Variants in IPO13 observed in about 807,000 individuals in gnomAD.
IPO13 encodes importin 13.
In IPO13, 28 loss-of-function variants were observed where a neutral mutation model predicts 115.5. That is an observed-to-expected ratio of 0.24 (90% CI 0.18 to 0.33). IPO13 has a LOEUF of 0.33. IPO13 is among the 10% of genes least tolerant of loss of function. The probability of loss-of-function intolerance (pLI) is 1.00; values close to 1 mark genes in which losing one functional copy is unlikely to be tolerated. For synonymous variants in IPO13, 414 were observed against 478.9 expected, an observed-to-expected ratio of 0.86 and a Z score of 1.77; for missense variants, 785 against 1,204.6, an observed-to-expected ratio of 0.65 and a Z score of 5.16.
chr1:43,954,656 T>C (rs1361498142), intron 2 of IPO13, among the ~76,000 whole-genome samples: 3 of 152,228 alleles, frequency 2.0e-5, no homozygotes, highest in African/African-American at 7.2e-5. Flanking sequence ...TGAGCCAGGC[T>C]TCTCTCAGTC....
rs781453528 is a variant in IPO13 at position 43,949,418 on chromosome 1, C to T, written c.86C>T (p.Ala29Val). 51 of 1,597,328 alleles carry T rather than the reference C, an allele frequency of 3.2e-5. No individual in the cohort carries two copies. The highest frequency in any genetic ancestry group is 1.7e-4 in the Middle Eastern group (1 of 6,030). ...LDFTVENVEK[A>V]LHQLYYDPNI... The stretch of plus-strand genomic sequence containing the variant: ...GCTCAGTCCTGTGCTGTCCTGCAGG[C>T]GCTGCACCAGCTCTACTATGATCCC... Residue 29 changes from alanine to valine, a missense_variant and splice_region_variant, in exon 2 of 20, where the codon GCG (alanine) becomes GTG (valine). By Grantham distance (64) the Ala-to-Val change is moderately conservative. Coordinates refer to ENST00000372343, the MANE Select transcript of IPO13 (RefSeq NM_014652.4).
At chr1:43,950,231 A>G (rs1284458647) in intron 2 of IPO13, 78 bp downstream of exon 2, 3 of 1,458,038 alleles carry the variant, frequency 2.1e-6, no homozygotes, top group African/African-American at 2.8e-5. Context: ...TTCAATAAAC[A>G]TTAATTGAAT....
chr1:43,960,810 A>G, intron 12 of IPO13, 66 bp from the exon 13 acceptor site: 4 of 1,591,370 alleles, frequency 2.5e-6, no homozygotes, highest in Middle Eastern at 1.7e-4. Flanking sequence ...CCCTCTGTGC[A>G]GGGCTTCAGC....
intron 11 of IPO13, 138 bp from the exon 12 acceptor site, chr1:43,960,111 G>A (rs760012443): frequency 1.7e-4 from 126 of 724,794 alleles, no homozygotes; most frequent in Admixed American, 2.1e-5. Flanking sequence ...TCCCCCAGGG[G>A]TCCCATGCCC....
chr1:43,954,116 C>T (rs1324373737), intron 2 of IPO13, among the ~76,000 whole-genome samples: 1 of 152,220 alleles, frequency 6.6e-6, no homozygotes, highest in Admixed American at 6.5e-5. Flanking sequence ...CAGTGGGGAG[C>T]TATGGGAGTA....
Position 43,957,443 on chromosome 1 carries a change from G to A in IPO13, c.1434G>A (p.Glu478=), listed in dbSNP as rs368982144. 1.9e-6 allele frequency: 3 copies of A among 1,614,052 alleles called. No homozygotes were observed. In the African/African-American group the frequency reaches 4.0e-5, roughly 22 times the overall value. ...ALLYGFQSIA[E]TIDVNYSDVV... The stretch of plus-strand genomic sequence containing the variant: ...TCTACGGCTTCCAATCCATCGCAGA[G>A]ACCATTGACGTCAACTATTCTGATG... The change falls in exon 7 of 20, where the codon GAG becomes GAA. Residue 478 remains glutamate, a synonymous_variant. Coordinates refer to ENST00000372343, the MANE Select transcript of IPO13 (RefSeq NM_014652.4).
rs2085335294 is a variant in IPO13 at position 43,967,577 on chromosome 1, C to G, written c.2796-9C>G. 1.9e-6 allele frequency: 3 copies of G among 1,614,198 alleles called. No individual in the cohort carries two copies. The highest frequency in any genetic ancestry group is 2.5e-6 in the Non-Finnish European group (3 of 1,180,022). On this transcript the variant is annotated splice_polypyrimidine_tract_variant and intron_variant, in intron 19 of 19. Transcript: ENST00000372343. This position sits in a 1 kb window ranked among gnomAD's most constrained non-coding sequence, Gnocchi z 6.1. ...CTGGTGCTAACCTGCTCTCCCTTTT[C>G]TCCTTCAGCGAGCGAGTGAACAAGA...
chr1:43,966,312 C>T lies in IPO13; in HGVS notation c.2398-263C>T. 1 of 567,376 alleles carries T rather than the reference C, an allele frequency of 1.8e-6. No individual in the cohort carries two copies. The highest frequency in any genetic ancestry group is 3.2e-6 in the Non-Finnish European group (1 of 315,962). The allele number at this position is 567,376 out of a possible 1,614,324, so 35.1% of individuals were successfully genotyped here. A position where few individuals can be genotyped will look rare whatever the true frequency, so the allele number is the denominator to read the frequency against. On this transcript the variant is annotated intron_variant, in intron 15 of 19. Coordinates refer to ENST00000372343, the MANE Select transcript of IPO13 (RefSeq NM_014652.4). This position sits in a 1 kb window ranked among gnomAD's most constrained non-coding sequence, Gnocchi z 4.1. ...GAAAGGTGTCTGGAACCCAAACTTT[C>T]TGCATTATGATCCCCACCCCCAACC...
intron 12 of IPO13, 31 bp downstream of exon 12, chr1:43,960,360 T>C (rs2154302316): frequency 3.8e-6 from 6 of 1,578,224 alleles, no homozygotes; most frequent in Admixed American, 1.7e-5. Context: ...TCCGCTCCCA[T>C]AGTGACTGCT....
intron 1 of IPO13, among the ~76,000 whole-genome samples, chr1:43,948,476 G>A (rs1165379374): frequency 6.6e-6 from 1 of 152,230 alleles, no homozygotes; most frequent in African/African-American, 2.4e-5. Flanking sequence ...CTTAACCCCC[G>A]TTTGCCATAA....
At chr1:43,950,277 C>T (rs936337034) in intron 2 of IPO13, 124 bp downstream of exon 2, 13 of 1,151,184 alleles carry the variant, frequency 1.1e-5, no homozygotes, top group Non-Finnish European at 1.6e-5. Context: ...GGAGATACAG[C>T]AAGGAACCAA....
At chr1:43,960,176 T>G in intron 11 of IPO13, 73 bp from the exon 12 acceptor site, 1 of 1,444,354 alleles carries the variant, frequency 6.9e-7, no homozygotes, top group Middle Eastern at 1.8e-4. Context: ...CCCTCCTCCC[T>G]GCCACCAAGT....
intron 2 of IPO13, among the ~76,000 whole-genome samples, chr1:43,953,977 A>G (rs974295982): frequency 6.6e-6 from 1 of 152,196 alleles, no homozygotes; most frequent in Non-Finnish European, 1.5e-5. Flanking sequence ...TGATACTCTG[A>G]GCTCTTTGAG....
At chr1:43,962,199 G>T (rs1013432412) in intron 14 of IPO13, among the ~76,000 whole-genome samples, 1 of 152,004 alleles carries the variant, frequency 6.6e-6, no homozygotes, top group Non-Finnish European at 1.5e-5. Flanking sequence ...CAGAAACCTG[G>T]TGTGGTCATC....
intron 14 of IPO13, among the ~76,000 whole-genome samples, 199 bp downstream of exon 14, chr1:43,961,461 A>C (rs1323392993): frequency 6.6e-6 from 1 of 150,612 alleles, no homozygotes; most frequent in Non-Finnish European, 1.5e-5. Context: ...AGGGTGAATG[A>C]TGTCTTCTGC....
Position 43,956,592 on chromosome 1 carries a change from G to A in IPO13, c.995G>A (p.Ser332Asn), listed in dbSNP as rs368618965. The change falls in exon 4 of 20, where the codon AGT becomes AAT. Residue 332 changes from serine (S) to asparagine (N), a missense_variant. Ser to Asn is a conservative substitution (Grantham distance 46, BLOSUM62 1). Transcript: ENST00000372343. The surrounding 1 kb of genome is among the most constrained non-coding windows in gnomAD (Gnocchi z 4.7). Reference protein sequence around the residue: ...ALLDQVEHWQSFLALVNMIMF... With the variant: ...ALLDQVEHWQNFLALVNMIMF... ...CTGGACCAAGTAGAGCACTGGCAGA[G>A]TTTCCTGGCACTCGTCAACATGATT... 1.7e-5 allele frequency: 27 copies of A among 1,614,132 alleles called. No individual in the cohort carries two copies. The African/African-American group carries it at 3.5e-4, about 21-fold the overall frequency.
intron 11 of IPO13, among the ~76,000 whole-genome samples, chr1:43,959,990 G>T (rs2085278576): frequency 6.6e-6 from 1 of 152,182 alleles, no homozygotes; most frequent in African/African-American, 2.4e-5. Context: ...GTAACCTTAT[G>T]AAGCACTTGT....
Position 43,957,990 on chromosome 1 carries a change from A to G in IPO13, c.1554A>G (p.Glu518=), listed in dbSNP as rs61751230. The part of the protein sequence containing the change: ...TVMFTIGALS[E]WLADHPVMIN... ...TCCTTCCTCCAGGAGCTCTGTCTGA[A>G]TGGCTGGCTGACCACCCCGTCATGA... is the stretch of plus-strand genomic sequence containing the variant. The change falls in exon 8 of 20, where the codon GAA becomes GAG. Residue 518 remains glutamate (E), a synonymous_variant. Transcript: ENST00000372343. 1.7e-5 allele frequency: 28 copies of G among 1,613,976 alleles called. No homozygotes were observed. Among genetic ancestry groups the G allele is most frequent in the Non-Finnish European group, 2.4e-5 (28 of 1,180,004 alleles).
In IPO13 at chr1:43,950,058, C is replaced by T. The variant is rs1157201097; in HGVS notation, c.726C>T (p.Leu242=). The change falls in exon 2 of 20, where the codon CTC becomes CTT. Residue 242 remains leucine (L), a synonymous_variant. Coordinates refer to ENST00000372343, the MANE Select transcript of IPO13 (RefSeq NM_014652.4). The part of the protein sequence containing the change: ...LEVPLQDCEA[L]IQAAFAALQD... ...TGCCGCTGCAGGACTGTGAGGCGCT[C>T]ATTCAGGCTGCCTTTGCTGCTCTGC... 2 of 1,613,708 alleles carry T rather than the reference C, an allele frequency of 1.2e-6. No individual in the cohort carries two copies. Among genetic ancestry groups the T allele is most frequent in the Non-Finnish European group, 8.5e-7 (1 of 1,179,988 alleles).
Sources: allele counts gnomAD v4.1 joint callset (sites outside exome capture counted in the v4.1 genomes callset), GRCh38; gene constraint gnomAD v4.1.1; non-coding constraint Gnocchi (gnomAD v3.1); transcripts MANE v1.5; gene names NCBI Gene and HGNC (gene_info 2026-07-23, HGNC 2026-07-21).